DOCK3: variants seen among roughly 807,000 people sequenced by gnomAD.
The protein encoded by DOCK3 is dedicator of cytokinesis 3, also known as dedicator of cytokinesis protein 3.
In DOCK3, 60 loss-of-function variants were observed where a neutral mutation model predicts 265.6. The ratio of observed to expected loss-of-function variants is 0.23; its 90% confidence interval spans 0.18 to 0.28. DOCK3 has a LOEUF of 0.28. Ranked by LOEUF, DOCK3 falls within the 10% of genes least tolerant of loss-of-function variation. The pLI, the probability that DOCK3 is intolerant of heterozygous loss-of-function variation, is 1.00. For missense variants in DOCK3, 1,981 were observed against 2,594.3 expected (o/e 0.76, Z 5.14); for synonymous variants, 881 against 938.0 (o/e 0.94, Z 1.11).
intron 5 of DOCK3, among the ~76,000 whole-genome samples, chr3:50,935,683 T>C (rs2051320649): frequency 6.6e-6 from 1 of 152,172 alleles, no homozygotes; most frequent in Non-Finnish European, 1.5e-5. Flanking sequence ...AATGAGGCAG[T>C]GCTTGTCCCC....
chr3:50,825,990 C>G (rs2044736371), intron 2 of DOCK3, among the ~76,000 whole-genome samples: 1 of 151,384 alleles, frequency 6.6e-6, no homozygotes, highest in South Asian at 2.1e-4. Flanking sequence ...GCAGACTGCT[C>G]TGCAAGTAGT....
chr3:51,132,708 T>C (rs2084612339), intron 9 of DOCK3, among the ~76,000 whole-genome samples: 1 of 152,140 alleles, frequency 6.6e-6, no homozygotes, highest in Non-Finnish European at 1.5e-5. Context: ...TGTTCCGCAA[T>C]GAAATATGCA....
At chr3:51,097,102 A>G (rs2082888406) in intron 9 of DOCK3, among the ~76,000 whole-genome samples, 1 of 152,172 alleles carries the variant, frequency 6.6e-6, no homozygotes, top group Non-Finnish European at 1.5e-5. Flanking sequence ...CCACTTGAGG[A>G]GACAGTCTGT....
intron 1 of DOCK3, among the ~76,000 whole-genome samples, chr3:50,687,540 A>G (rs1199697896): frequency 6.6e-6 from 1 of 152,256 alleles, no homozygotes; most frequent in Non-Finnish European, 1.5e-5. Flanking sequence ...AAGAGAAGAC[A>G]TGTATGCTCT....
chr3:50,900,866 C>T lies in DOCK3; in HGVS notation c.218+10785C>T, dbSNP rs2049154260. ...CTGGAAGCTTTGTCCCAGAGGGGCA[C>T]CCACCAGATGCCAGCCAGAGCTCTC... is the stretch of plus-strand genomic sequence containing the variant. On this transcript the variant is annotated intron_variant, in intron 4 of 52. Transcript: ENST00000266037. 1.7e-5 allele frequency: 7 copies of T among 419,624 alleles called. 1 individual carries two copies. The highest frequency in any genetic ancestry group is 3.3e-5 in the Non-Finnish European group (7 of 213,490). The allele number at this position is 419,624 out of a possible 1,614,324, so 26.0% of individuals were successfully genotyped here.
intron 5 of DOCK3, among the ~76,000 whole-genome samples, chr3:50,997,932 C>T (rs1449909597): frequency 6.6e-6 from 1 of 152,138 alleles, no homozygotes; most frequent in Non-Finnish European, 1.5e-5. Context: ...TTTGCTGCTT[C>T]TCTCAATTGT....
intron 9 of DOCK3, among the ~76,000 whole-genome samples, chr3:51,126,829 A>G (rs1371532385): frequency 3.9e-5 from 6 of 152,124 alleles, no homozygotes; most frequent in Non-Finnish European, 8.8e-5. Context: ...AACTCATGTC[A>G]TGGGGGTTTG....
At chr3:50,962,098 C>T (rs1004597067) in intron 5 of DOCK3, among the ~76,000 whole-genome samples, 14 of 151,908 alleles carry the variant, frequency 9.2e-5, no homozygotes, top group East Asian at 3.9e-4. Context: ...GTTTGCTGCA[C>T]CCATCAACCC....
intron 3 of DOCK3, chr3:50,863,458 G>A (rs376261171): frequency 3.8e-6 from 2 of 519,898 alleles, no homozygotes; most frequent in African/African-American, 3.8e-5. Context: ...TTCATAGAAT[G>A]TTACAAGGGT....
intron 12 of DOCK3, among the ~76,000 whole-genome samples, chr3:51,175,874 C>A (rs890371176): frequency 6.6e-6 from 1 of 152,166 alleles, no homozygotes; most frequent in Non-Finnish European, 1.5e-5. Context: ...TCTAGACCTT[C>A]CCATTTTCCA....
At chr3:50,709,932 A>G (rs949279060) in intron 1 of DOCK3, among the ~76,000 whole-genome samples, 4 of 152,116 alleles carry the variant, frequency 2.6e-5, no homozygotes, top group Admixed American at 6.6e-5. Context: ...GGGCATGCTG[A>G]TGTTTGCCAT....
intron 3 of DOCK3, among the ~76,000 whole-genome samples, chr3:50,859,185 G>T: frequency 6.9e-6 from 1 of 144,786 alleles, no homozygotes; most frequent in African/African-American, 2.5e-5. Flanking sequence ...GCCTGGTCAA[G>T]AACTCTTGTT....
intron 1 of DOCK3, among the ~76,000 whole-genome samples, chr3:50,744,733 C>T (rs1287433554): frequency 6.6e-6 from 1 of 152,100 alleles, no homozygotes; most frequent in East Asian, 1.9e-4. Context: ...CTGTATCTGG[C>T]CTTCAGTTAA....
chr3:50,951,513 A>G (rs375332084), intron 5 of DOCK3, among the ~76,000 whole-genome samples: 71 of 152,308 alleles, frequency 4.7e-4, no homozygotes, highest in African/African-American at 1.7e-3. Flanking sequence ...CAATGTAAAA[A>G]TGATATTGAA....
chr3:51,341,812 T>C (rs1560468361), intron 38 of DOCK3, among the ~76,000 whole-genome samples: 1 of 152,270 alleles, frequency 6.6e-6, no homozygotes, highest in Non-Finnish European at 1.5e-5. Context: ...TGCCTCTTAC[T>C]GGTATGTGTT....
chr3:51,135,996 A>C (rs2084776603), intron 9 of DOCK3, among the ~76,000 whole-genome samples: 1 of 152,036 alleles, frequency 6.6e-6, no homozygotes, highest in Non-Finnish European at 1.5e-5. Flanking sequence ...AGGTGGAGCC[A>C]TTGCATGCAG....
At chr3:50,739,856 C>T (rs1463522473) in intron 1 of DOCK3, among the ~76,000 whole-genome samples, 1 of 152,030 alleles carries the variant, frequency 6.6e-6, no homozygotes, top group African/African-American at 2.4e-5. Flanking sequence ...ATCAATTCAC[C>T]TTGACATTAA....
At chr3:50,967,069 G>C (rs897995558) in intron 5 of DOCK3, among the ~76,000 whole-genome samples, 1 of 151,882 alleles carries the variant, frequency 6.6e-6, no homozygotes, top group Non-Finnish European at 1.5e-5. Flanking sequence ...TAGCTATTTT[G>C]AAATATATAA....
intron 21 of DOCK3, among the ~76,000 whole-genome samples, chr3:51,241,687 G>A (rs1028421015): frequency 6.6e-6 from 1 of 152,160 alleles, no homozygotes; most frequent in Non-Finnish European, 1.5e-5. Flanking sequence ...CAAGCTCTGA[G>A]ATTCTTTCCC....
Sources: allele counts gnomAD v4.1 joint callset (sites outside exome capture counted in the v4.1 genomes callset), GRCh38; gene constraint gnomAD v4.1.1; transcripts MANE v1.5; gene names NCBI Gene and HGNC (gene_info 2026-07-23, HGNC 2026-07-21).